The following IGSF10 variants were observed in gnomAD, a reference collection of about 807,000 sequenced individuals.
IGSF10 encodes the protein calvaria mechanical force protein 608.
In IGSF10, 126 loss-of-function variants were observed where a neutral mutation model predicts 128.2. That is an observed-to-expected ratio of 0.98 (90% CI 0.85 to 1.14). The LOEUF (loss-of-function observed/expected upper bound fraction) is 1.14, where lower values mean the gene tolerates loss of function less well. IGSF10 is among the 50% of genes most tolerant of loss of function. The pLI is 0.00. For synonymous variants in IGSF10, 1,185 were observed against 1,146.2 expected (o/e 1.03, Z -0.68); for missense variants, 3,295 against 3,149.8 (o/e 1.05, Z -1.10).
At chr3:151,507,259 T>C in the IGSF10 span, among the ~76,000 whole-genome samples, 1 of 152,148 alleles carries the variant, frequency 6.6e-6, no homozygotes, top group Non-Finnish European at 1.5e-5. Context: ...GGACTCAGAA[T>C]GGCCCTGACC....
the IGSF10 span, among the ~76,000 whole-genome samples, chr3:151,481,704 C>A: frequency 1.3e-5 from 2 of 152,248 alleles, no homozygotes; most frequent in East Asian, 3.9e-4. Context: ...CACAGCTACT[C>A]CAAGCACCTA....
the IGSF10 span, among the ~76,000 whole-genome samples, chr3:151,559,255 A>G: frequency 6.6e-6 from 1 of 152,180 alleles, no homozygotes; most frequent in Non-Finnish European, 1.5e-5. Flanking sequence ...ACGTACCTGA[A>G]GGCAGAGTGT....
chr3:151,437,551 G>A lies in IGSF10; in HGVS notation c.7010C>T (p.Pro2337Leu), dbSNP rs183577798. The A allele has an allele frequency of 1.1e-5, 17 of 1,614,104 alleles. No individual in the cohort carries two copies. The East Asian group carries it at 1.1e-4, about 11-fold the overall frequency. The change falls in exon 8 of 8, where the codon CCG becomes CTG. Residue 2337 changes from proline to leucine, a missense_variant. Physicochemically the swap from Pro to Leu is moderately conservative, Grantham distance 98. Coordinates refer to ENST00000282466, the MANE Select transcript of IGSF10 (RefSeq NM_178822.5). ...TTCATTAAATGGATTTCTAAATGTC[G>A]GTCTTCTCAGCATTTCCAGTACTTC... ...QLEVLEMLRR[P>L]TFRNPFNEKI...
chr3:151,606,594 A>G, the IGSF10 span, among the ~76,000 whole-genome samples: 1 of 152,192 alleles, frequency 6.6e-6, no homozygotes, highest in Admixed American at 6.5e-5. Context: ...AAATGGAGAC[A>G]GAGGTATTTG....
the IGSF10 span, among the ~76,000 whole-genome samples, chr3:151,609,511 G>A: frequency 6.6e-5 from 10 of 151,510 alleles, no homozygotes; most frequent in African/African-American, 2.4e-4. Context: ...CCAAAGGAAA[G>A]CCAATTGTTC....
At chr3:151,599,515 G>A in the IGSF10 span, among the ~76,000 whole-genome samples, 1 of 152,108 alleles carries the variant, frequency 6.6e-6, no homozygotes, top group Admixed American at 6.6e-5. Context: ...CTTGAAATCA[G>A]GGGTGGAAAA....
chr3:151,575,200 A>G, the IGSF10 span, among the ~76,000 whole-genome samples: 2 of 150,260 alleles, frequency 1.3e-5, no homozygotes, highest in African/African-American at 5.0e-5. Flanking sequence ...GGGATCAGGG[A>G]CCCACTTGAG....
At position 151,445,422 on chromosome 3, in the gene IGSF10, G is replaced by A. The variant is rs1721126038; in HGVS notation, c.4559C>T (p.Ala1520Val). 6.2e-7 allele frequency: 1 copy of A among 1,614,090 alleles called. No individual in the cohort carries two copies. ...AACCTTGGGGGATGTTGCAACCTCTGCTACTAATTGCTGTGGTTTAGCATT... is the reference window on the plus strand; with the variant it reads ...AACCTTGGGGGATGTTGCAACCTCTACTACTAATTGCTGTGGTTTAGCATT... ...RHNAKPQQLVAEVATSPKVHP... is the reference protein window; with the variant it reads ...RHNAKPQQLVVEVATSPKVHP... Residue 1520 changes from alanine (A) to valine (V), a missense_variant, in exon 6 of 8, where the codon GCA (alanine) becomes GTA (valine). By Grantham distance (64) the Ala-to-Val change is moderately conservative. Coordinates refer to ENST00000282466, the MANE Select transcript of IGSF10 (RefSeq NM_178822.5).
At chr3:151,508,765 T>G in the IGSF10 span, among the ~76,000 whole-genome samples, 5 of 152,210 alleles carry the variant, frequency 3.3e-5, no homozygotes, top group Admixed American at 1.3e-4. Context: ...ACAGGATTAT[T>G]TGACATGTTA....
chr3:151,581,683 A>G, the IGSF10 span, among the ~76,000 whole-genome samples: 6 of 152,258 alleles, frequency 3.9e-5, no homozygotes, highest in South Asian at 2.1e-4. Flanking sequence ...AAGCAGATTT[A>G]GAAGGTGATA....
intron 3 of IGSF10, among the ~76,000 whole-genome samples, chr3:151,458,064 A>C (rs1348879088): frequency 6.6e-6 from 1 of 152,064 alleles, no homozygotes; most frequent in Non-Finnish European, 1.5e-5. Context: ...CATCCATTTT[A>C]AATAAGTTTG....
the IGSF10 span, among the ~76,000 whole-genome samples, chr3:151,582,644 A>G: frequency 1.3e-5 from 2 of 152,098 alleles, no homozygotes; most frequent in Non-Finnish European, 2.9e-5. Context: ...CACCCATTCA[A>G]CTATTGATAC....
the IGSF10 span, among the ~76,000 whole-genome samples, chr3:151,467,009 G>A: frequency 0.26 from 40,114 of 151,980 alleles, 5,702 homozygotes; most frequent in African/African-American, 0.37. Flanking sequence ...ATGTCCCACA[G>A]AAACAGTGGG....
the IGSF10 span, among the ~76,000 whole-genome samples, chr3:151,566,994 T>C: frequency 6.6e-6 from 1 of 152,270 alleles, no homozygotes; most frequent in Non-Finnish European, 1.5e-5. Flanking sequence ...CCAACACCTA[T>C]CCAGGTGGCT....
chr3:151,556,416 C>T, the IGSF10 span, among the ~76,000 whole-genome samples: 1 of 152,110 alleles, frequency 6.6e-6, no homozygotes, highest in Admixed American at 6.6e-5. Context: ...TTTGATGAAA[C>T]AGACCAGTTA....
the IGSF10 span, among the ~76,000 whole-genome samples, chr3:151,600,145 G>C: frequency 1.3e-5 from 2 of 152,048 alleles, no homozygotes; most frequent in African/African-American, 4.8e-5. Flanking sequence ...CAGGTTTAAA[G>C]TTTTAAAGTT....
chr3:151,589,550 T>A, the IGSF10 span, among the ~76,000 whole-genome samples: 2 of 152,180 alleles, frequency 1.3e-5, no homozygotes, highest in Non-Finnish European at 2.9e-5. Flanking sequence ...ATAGTAAACC[T>A]CTTCACTGTT....
At chr3:151,460,896 C>G in intron 1 of IGSF10, 50 bp downstream of exon 1, 1 of 981,506 alleles carries the variant, frequency 1.0e-6, no homozygotes, top group Non-Finnish European at 1.2e-6. Context: ...AAGCCCCAGC[C>G]GGCGTGGGGT....
chr3:151,535,996 T>C, the IGSF10 span, among the ~76,000 whole-genome samples: 1 of 152,200 alleles, frequency 6.6e-6, no homozygotes, highest in Non-Finnish European at 1.5e-5. Context: ...GACTTTCATA[T>C]GTTTGCAGCC....
Sources: gnomAD v4.1 joint callset for allele counts (sites outside exome capture counted in the v4.1 genomes callset) on GRCh38, gnomAD v4.1.1 for gene constraint, MANE v1.5 for transcripts, NCBI Gene and HGNC (gene_info 2026-07-23, HGNC 2026-07-21) for gene names.